DGKI: variants seen among roughly 807,000 people sequenced by gnomAD.
DGKI encodes the protein diacylglycerol kinase iota.
A neutral mutation model predicts 147.5 loss-of-function variants in DGKI; 55 were observed. The ratio of observed to expected loss-of-function variants is 0.37; its 90% CI spans 0.30 to 0.47. The LOEUF (loss-of-function observed/expected upper bound fraction) is 0.47. Among genes scored for constraint, DGKI ranks in the 20% least tolerant of loss-of-function variants. The pLI, the probability that DGKI is intolerant of heterozygous loss-of-function variation, is 1.00. For synonymous variants in DGKI, 469 were observed against 477.1 expected (o/e 0.98, Z 0.22); for missense variants, 1,007 against 1,323.8 (o/e 0.76, Z 3.71).
At chr7:137,580,923 C>A (rs571930371) in intron 15 of DGKI, among the ~76,000 whole-genome samples, 1 of 152,164 alleles carries the variant, frequency 6.6e-6, no homozygotes, top group Admixed American at 6.5e-5. Flanking sequence ...AGTCTCTTAA[C>A]AATCTACATC....
intron 1 of DGKI, among the ~76,000 whole-genome samples, chr7:137,702,401 G>A (rs906573143): frequency 6.6e-6 from 1 of 152,082 alleles, no homozygotes; most frequent in Admixed American, 6.6e-5. Context: ...TGTGCTTCTA[G>A]CAGGAATAGC....
chr7:137,743,298 A>T (rs1296352961), intron 1 of DGKI, among the ~76,000 whole-genome samples: 3 of 152,244 alleles, frequency 2.0e-5, no homozygotes, highest in East Asian at 1.9e-4. Context: ...CATCTACAGG[A>T]TACTTCATCC....
chr7:137,765,144 C>T (rs1193465733), intron 1 of DGKI, among the ~76,000 whole-genome samples: 4 of 152,166 alleles, frequency 2.6e-5, no homozygotes, highest in Admixed American at 6.5e-5. Flanking sequence ...TTCCTGAGTT[C>T]AATACATTAA....
At chr7:137,656,403 C>T in intron 4 of DGKI, 63 bp downstream of exon 4, 2 of 1,552,250 alleles carry the variant, frequency 1.3e-6, no homozygotes, top group Non-Finnish European at 1.8e-6. Context: ...GAAATTTACA[C>T]CGGGCCTCTG....
Position 137,679,990 on chromosome 7 carries a change from CAAAA to C in DGKI, c.511-1342_511-1339del, listed in dbSNP as rs768437551. Among the ~76,000 whole-genome samples, 160 of 54,060 alleles carry C rather than the reference CAAAA, an allele frequency of 3.0e-3. 2 individuals are homozygous for C. The highest frequency in any genetic ancestry group is 9.4e-3 in the African/African-American group (151 of 16,098). 35.5% of individuals were successfully genotyped at this position (54,060 alleles called of 152,430 possible). On this transcript the variant is annotated intron_variant, in intron 2 of 32. Transcript: ENST00000614521. The stretch of plus-strand genomic sequence containing the variant: ...TGGGCGACAGAGTGAGACTCCATCT[CAAAA>C]AAAAAAAAAAAAAAAAAAATTCCAA...
intron 21 of DGKI, among the ~76,000 whole-genome samples, chr7:137,501,287 C>T (rs1044281413): frequency 3.9e-5 from 6 of 152,146 alleles, no homozygotes; most frequent in African/African-American, 1.4e-4. Flanking sequence ...ACTTAGGTTG[C>T]TTCTGCATCT....
In DGKI at chr7:137,792,568, C is replaced by G. The variant is rs1438200600; in HGVS notation, c.401+53894G>C. On this transcript the variant is annotated intron_variant, in intron 1 of 32. Transcript: ENST00000614521. Reference sequence around the variant, plus strand: ...TGCTTGCCATGTGCCAGGCATTTTTCTAGGCAACTAGTATGGTTTGGATAT... The same window carrying G: ...TGCTTGCCATGTGCCAGGCATTTTTGTAGGCAACTAGTATGGTTTGGATAT... Among the ~76,000 whole-genome samples, 3 of 152,142 alleles carry G rather than the reference C, an allele frequency of 2.0e-5. No homozygotes were observed. In the East Asian group the frequency reaches 5.8e-4, roughly 29 times the overall value.
chr7:137,655,982 C>T (rs1276180605), intron 4 of DGKI, among the ~76,000 whole-genome samples: 2 of 152,224 alleles, frequency 1.3e-5, no homozygotes, highest in Non-Finnish European at 2.9e-5. Context: ...CACATTTGAG[C>T]AGCAACAGGA....
At chr7:137,476,629 C>A (rs57075457) in intron 23 of DGKI, among the ~76,000 whole-genome samples, 7,089 of 152,132 alleles carry the variant, frequency 0.047, 556 homozygotes, top group African/African-American at 0.16. Flanking sequence ...TAATTTTAAC[C>A]CATAATCTTC....
chr7:137,405,203 T>A (rs2128897468), intron 30 of DGKI, among the ~76,000 whole-genome samples: 1 of 152,248 alleles, frequency 6.6e-6, no homozygotes, highest in East Asian at 1.9e-4. Flanking sequence ...ATATTTCAAA[T>A]ATTGCATGGG....
intron 28 of DGKI, among the ~76,000 whole-genome samples, chr7:137,443,285 A>G (rs1336936736): frequency 1.3e-5 from 2 of 152,196 alleles, no homozygotes; most frequent in African/African-American, 2.4e-5. Flanking sequence ...GATTTTTACT[A>G]TGGAACGATC....
chr7:137,743,910 G>A (rs1174615415), intron 1 of DGKI, among the ~76,000 whole-genome samples: 1 of 151,408 alleles, frequency 6.6e-6, no homozygotes, highest in Non-Finnish European at 1.5e-5. Flanking sequence ...GTGAACTCGG[G>A]AGGCAGAGGT....
At chr7:137,732,020 C>T (rs1794900169) in intron 1 of DGKI, among the ~76,000 whole-genome samples, 1 of 152,074 alleles carries the variant, frequency 6.6e-6, no homozygotes. Flanking sequence ...TCCAATAATA[C>T]TTTAAAATCC....
chr7:137,686,920 C>T (rs1209971693), intron 2 of DGKI, among the ~76,000 whole-genome samples: 3 of 152,148 alleles, frequency 2.0e-5, no homozygotes, highest in Non-Finnish European at 4.4e-5. Context: ...GACTAAGATC[C>T]TAACTCCAGG....
At chr7:137,837,997 C>CTTTTTT (rs777963342) in intron 1 of DGKI, among the ~76,000 whole-genome samples, 3 of 109,808 alleles carry the variant, frequency 2.7e-5, no homozygotes, top group Non-Finnish European at 5.5e-5. Context: ...AAGGGAGAAA[C>CTTTTTT]TTTTTTTTTT....
chr7:137,742,812 A>G (rs1795216884), intron 1 of DGKI, among the ~76,000 whole-genome samples: 1 of 152,220 alleles, frequency 6.6e-6, no homozygotes, highest in Admixed American at 6.5e-5. Context: ...AATTTTATGC[A>G]TAATGGAATT....
intron 1 of DGKI, among the ~76,000 whole-genome samples, chr7:137,742,680 T>G (rs934518244): frequency 6.6e-6 from 1 of 152,030 alleles, no homozygotes; most frequent in African/African-American, 2.4e-5. Context: ...AAATAGCCAA[T>G]GTTTTACTCA....
chr7:137,682,328 T>A (rs1272646249), intron 2 of DGKI, among the ~76,000 whole-genome samples: 1 of 152,192 alleles, frequency 6.6e-6, no homozygotes, highest in Non-Finnish European at 1.5e-5. Context: ...TATTAATCAA[T>A]GTGAGCTTTG....
intron 7 of DGKI, 86 bp from the exon 8 acceptor site, chr7:137,620,026 C>A: frequency 2.9e-6 from 2 of 691,626 alleles, no homozygotes; most frequent in South Asian, 1.7e-5. Flanking sequence ...CACGCACACA[C>A]ACACACACAC....
Sources: gnomAD v4.1 joint callset for allele counts (sites outside exome capture counted in the v4.1 genomes callset) on GRCh38, gnomAD v4.1.1 for gene constraint, MANE v1.5 for transcripts, NCBI Gene and HGNC (gene_info 2026-07-23, HGNC 2026-07-21) for gene names.